CPNE4: variants seen among roughly 807,000 people sequenced by gnomAD.
CPNE4 encodes copine-4.
A neutral mutation model predicts 67.9 loss-of-function variants in CPNE4; 25 were observed. That is an observed-to-expected ratio of 0.37 (90% CI 0.27 to 0.51). CPNE4 has a LOEUF of 0.51. CPNE4 is among the 20% of genes least tolerant of loss of function. The probability of loss-of-function intolerance (pLI) is 0.93; values close to 1 mark genes in which losing one functional copy is unlikely to be tolerated. For synonymous variants in CPNE4, 242 were observed against 244.9 expected, an observed-to-expected ratio of 0.99 and a Z score of 0.11; for missense variants, 464 against 690.8, an observed-to-expected ratio of 0.67 and a Z score of 3.68.
At chr3:131,651,079 T>G (rs962057170) in intron 7 of CPNE4, among the ~76,000 whole-genome samples, 1 of 152,166 alleles carries the variant, frequency 6.6e-6, no homozygotes, top group Non-Finnish European at 1.5e-5. Flanking sequence ...GAGGAAAGCA[T>G]TAGAAAATAG....
Position 131,741,912 on chromosome 3 carries a change from C to T in CPNE4, c.181-18287G>A, listed in dbSNP as rs143565314. On this transcript the variant is annotated intron_variant, in intron 2 of 15. Transcript: ENST00000429747. ...TATTGGAAACATATGAGTTCTTCCCCCATAAAAAGATATGTGCAGGAATGA... is the reference window on the plus strand; with the variant it reads ...TATTGGAAACATATGAGTTCTTCCCTCATAAAAAGATATGTGCAGGAATGA... Among the ~76,000 whole-genome samples, 867 of 152,206 alleles carry T rather than the reference C, an allele frequency of 5.7e-3. 8 individuals are homozygous for T. In the Middle Eastern group the frequency reaches 0.061, roughly 11 times the overall value.
chr3:131,831,667 T>A (rs1167815231), intron 2 of CPNE4, among the ~76,000 whole-genome samples: 1 of 152,150 alleles, frequency 6.6e-6, no homozygotes, highest in Admixed American at 6.6e-5. Context: ...TTATACATTA[T>A]CAGGATAAAA....
At chr3:131,690,651 C>T (rs1422554926) in intron 5 of CPNE4, among the ~76,000 whole-genome samples, 2 of 151,740 alleles carry the variant, frequency 1.3e-5, no homozygotes, top group Non-Finnish European at 2.9e-5. Flanking sequence ...ATGTCGAAGT[C>T]CTCAAAAGCA....
At chr3:131,853,742 C>T (rs6800263) in intron 2 of CPNE4, among the ~76,000 whole-genome samples, 6,117 of 151,776 alleles carry the variant, frequency 0.04, 403 homozygotes, top group African/African-American at 0.14. Flanking sequence ...AAGATGTGAA[C>T]AGATGCTTCA....
chr3:132,008,751 TG>T (rs1172167734), intron 1 of CPNE4, among the ~76,000 whole-genome samples: 1 of 152,168 alleles, frequency 6.6e-6, no homozygotes, highest in African/African-American at 2.4e-5. Flanking sequence ...CAAAAACTTA[TG>T]TTTTTTTTTC....
chr3:131,691,855 C>A (rs993168103), intron 5 of CPNE4, among the ~76,000 whole-genome samples: 2 of 152,074 alleles, frequency 1.3e-5, no homozygotes, highest in Non-Finnish European at 2.9e-5. Flanking sequence ...ATAAGCACCT[C>A]AAAATCTCAA....
At chr3:131,881,004 T>C (rs1199597022) in intron 2 of CPNE4, among the ~76,000 whole-genome samples, 1 of 152,218 alleles carries the variant, frequency 6.6e-6, no homozygotes, top group African/African-American at 2.4e-5. Context: ...CCTGGCCTTG[T>C]ACTGCTTGAA....
chr3:131,615,021 C>G (rs1940056528), intron 7 of CPNE4, among the ~76,000 whole-genome samples: 1 of 152,106 alleles, frequency 6.6e-6, no homozygotes, highest in African/African-American at 2.4e-5. Flanking sequence ...CATAAATCAC[C>G]TGGGGGGCTT....
chr3:131,644,235 T>A (rs2079607062), intron 7 of CPNE4, among the ~76,000 whole-genome samples: 1 of 151,732 alleles, frequency 6.6e-6, no homozygotes, highest in African/African-American at 2.4e-5. Context: ...GCAAGATCTG[T>A]CTCCCGGGTT....
chr3:131,564,747 G>A (rs897922416), intron 10 of CPNE4, among the ~76,000 whole-genome samples: 1 of 151,964 alleles, frequency 6.6e-6, no homozygotes, highest in Non-Finnish European at 1.5e-5. Flanking sequence ...ACGCGGCATA[G>A]GTAAGATCCC....
chr3:131,846,465 C>T (rs559916583), intron 2 of CPNE4, among the ~76,000 whole-genome samples: 16 of 152,326 alleles, frequency 1.1e-4, no homozygotes, highest in Admixed American at 9.2e-4. Flanking sequence ...AAACCCATTA[C>T]ATCATTCCAG....
intron 3 of CPNE4, among the ~76,000 whole-genome samples, chr3:131,720,136 T>G (rs1282073711): frequency 1.3e-5 from 2 of 152,182 alleles, no homozygotes; most frequent in Non-Finnish European, 2.9e-5. Flanking sequence ...CCCTATGACT[T>G]GAGTGCCCAT....
At chr3:131,669,524 G>A in intron 7 of CPNE4, 151 bp downstream of exon 7, 1 of 573,926 alleles carries the variant, frequency 1.7e-6, no homozygotes, top group Non-Finnish European at 3.0e-6. Flanking sequence ...AGAAGAAATA[G>A]CCCTTGTTTC....
At chr3:131,569,276 G>A (rs575535420) in intron 10 of CPNE4, among the ~76,000 whole-genome samples, 1 of 152,104 alleles carries the variant, frequency 6.6e-6, no homozygotes, top group East Asian at 1.9e-4. Flanking sequence ...GTAAAATAAA[G>A]ATTTAAAAAT....
intron 2 of CPNE4, among the ~76,000 whole-genome samples, chr3:131,756,568 T>C (rs959412120): frequency 6.6e-6 from 1 of 152,172 alleles, no homozygotes; most frequent in African/African-American, 2.4e-5. Flanking sequence ...AGATAGATGG[T>C]CTGCCACAGT....
At chr3:131,829,726 A>G (rs904038962) in intron 2 of CPNE4, among the ~76,000 whole-genome samples, 2 of 152,238 alleles carry the variant, frequency 1.3e-5, no homozygotes, top group Non-Finnish European at 2.9e-5. Context: ...ATCAGAAGTG[A>G]CAACTCTTCA....
intron 1 of CPNE4, among the ~76,000 whole-genome samples, chr3:131,924,830 A>C (rs539884661): frequency 1.3e-5 from 2 of 152,270 alleles, no homozygotes; most frequent in South Asian, 4.2e-4. Flanking sequence ...TGACTTGGTG[A>C]CTTATATGTC....
At chr3:131,950,229 T>A (rs1476123789) in intron 1 of CPNE4, among the ~76,000 whole-genome samples, 1 of 152,196 alleles carries the variant, frequency 6.6e-6, no homozygotes, top group Admixed American at 6.5e-5. Context: ...ATTTCATATA[T>A]ATTGTTGATG....
intron 7 of CPNE4, among the ~76,000 whole-genome samples, chr3:131,648,411 C>T (rs1379550774): frequency 6.6e-6 from 1 of 152,090 alleles, no homozygotes; most frequent in Non-Finnish European, 1.5e-5. Context: ...AACCTATCTG[C>T]TTATTCATGG....
Sources: gnomAD v4.1 joint callset for allele counts (sites outside exome capture counted in the v4.1 genomes callset) on GRCh38, gnomAD v4.1.1 for gene constraint, MANE v1.5 for transcripts, NCBI Gene and HGNC (gene_info 2026-07-23, HGNC 2026-07-21) for gene names.